Variants in DGKB observed in about 807,000 individuals in gnomAD.
The protein encoded by DGKB is diacylglycerol kinase beta.
DGKB carries 67 observed loss-of-function variants against 114.3 expected under a neutral mutation model. The observed-to-expected ratio is 0.59, with a 90% CI of 0.48 to 0.72. DGKB has a LOEUF of 0.72. Among genes scored for constraint, DGKB ranks in the 30% least tolerant of loss-of-function variants. The pLI is 0.00. For missense variants in DGKB, 907 were observed against 975.2 expected (o/e 0.93, Z 0.93); for synonymous variants, 398 against 323.1 (o/e 1.23, Z -2.49).
chr7:14,769,527 G>GAA (rs74546360), intron 2 of DGKB, among the ~76,000 whole-genome samples: 1,749 of 144,942 alleles, frequency 0.012, 31 homozygotes, highest in African/African-American at 0.041. Flanking sequence ...ATTTAGTAAT[G>GAA]AAAAAAAAAA....
At chr7:14,473,651 C>T (rs924359791) in intron 21 of DGKB, among the ~76,000 whole-genome samples, 2 of 152,154 alleles carry the variant, frequency 1.3e-5, no homozygotes, top group Non-Finnish European at 2.9e-5. Flanking sequence ...AATGCCAGCC[C>T]GTGAAAGCAG....
chr7:14,209,453 C>T, intron 23 of DGKB: 1 of 473,994 alleles, frequency 2.1e-6, no homozygotes, highest in Admixed American at 2.3e-5. Flanking sequence ...CTACACAAGG[C>T]TATTCTCTGG....
At chr7:14,288,254 GAA>G (rs11314793) in intron 23 of DGKB, among the ~76,000 whole-genome samples, 1,065 of 67,790 alleles carry the variant, frequency 0.016, 14 homozygotes, top group African/African-American at 0.051. Flanking sequence ...TTTGTTAAAA[GAA>G]AAAAAAAAAA....
rs376774698 is a variant in DGKB, at chr7:14,655,302, T to C, written c.1134+17627A>G. 8.6e-5 allele frequency among the ~76,000 whole-genome samples: 13 copies of C among 151,832 alleles called. 1 individual carries two copies. The East Asian group carries it at 9.7e-4, about 11-fold the overall frequency. The stretch of plus-strand genomic sequence containing the variant: ...TATAAAAAATGTTCAGCATCACTAA[T>C]CATCAGGGAAATGCAAATCAAAACC... On this transcript the variant is annotated intron_variant, in intron 13 of 25. Coordinates refer to ENST00000402815, the MANE Select transcript of DGKB (RefSeq NM_001350709.2).
At chr7:14,754,386 C>G (rs1834566452) in intron 3 of DGKB, among the ~76,000 whole-genome samples, 1 of 152,140 alleles carries the variant, frequency 6.6e-6, no homozygotes, top group South Asian at 2.1e-4. Context: ...ATATAACCAT[C>G]TATATAAAGG....
intron 25 of DGKB, among the ~76,000 whole-genome samples, chr7:14,154,886 G>T (rs1782767142): frequency 6.7e-6 from 1 of 149,644 alleles, no homozygotes; most frequent in African/African-American, 2.5e-5. Flanking sequence ...TACTATTTTG[G>T]TACCAACTTC....
intron 21 of DGKB, among the ~76,000 whole-genome samples, chr7:14,458,343 A>G (rs762014783): frequency 6.6e-6 from 1 of 152,252 alleles, no homozygotes; most frequent in Non-Finnish European, 1.5e-5. Flanking sequence ...ATTTAAATAA[A>G]TTCTGAATAA....
Position 14,392,989 on chromosome 7 carries a change from G to GTTTTTGTTTTTGTTTTTTGTT in DGKB, c.1836-47599_1836-47598insAACAAAAAACAAAAACAAAAA, listed in dbSNP as rs1554404696. Among the ~76,000 whole-genome samples, 28 of 10,188 alleles carry GTTTTTGTTTTTGTTTTTTGTT rather than the reference G, an allele frequency of 2.7e-3. 4 individuals carry two copies. Among genetic ancestry groups the GTTTTTGTTTTTGTTTTTTGTT allele is most frequent in the African/African-American group, 5.3e-3 (23 of 4,342 alleles). The allele number at this position is 10,188 out of a possible 152,430, so 6.7% of individuals were successfully genotyped here. The stretch of plus-strand genomic sequence containing the variant: ...GAGGGCCAAAACAGACCTGTTTTTT[G>GTTTTTGTTTTTGTTTTTTGTT]TTTTTGTTTTTTTTTTTTTGAGACG... On this transcript the variant is annotated intron_variant, in intron 21 of 25. Coordinates refer to ENST00000402815, the MANE Select transcript of DGKB (RefSeq NM_001350709.2).
chr7:14,332,379 A>AT (rs1809886513), intron 23 of DGKB, among the ~76,000 whole-genome samples: 1 of 152,146 alleles, frequency 6.6e-6, no homozygotes, highest in African/African-American at 2.4e-5. Flanking sequence ...CACGAACACT[A>AT]TGCCGCCTTC....
At position 14,841,426 on chromosome 7, in the gene DGKB, G is replaced by T. The variant is rs976871771; in HGVS notation, c.-163C>A. 3 of 449,410 alleles carry T rather than the reference G, an allele frequency of 6.7e-6. No homozygotes were observed. The highest frequency in any genetic ancestry group is 1.2e-5 in the Non-Finnish European group (3 of 252,742). The allele number at this position is 449,410 out of a possible 1,614,324, so 27.8% of individuals were successfully genotyped here. ...CCACATGAAACTGCTTTGGATGCTT[G>T]TAATTTCAATAATGTGTTAAAGAAC... On this transcript the variant is annotated 5_prime_UTR_variant, in exon 2 of 26. Coordinates refer to ENST00000402815, the MANE Select transcript of DGKB (RefSeq NM_001350709.2).
intron 6 of DGKB, among the ~76,000 whole-genome samples, chr7:14,703,794 A>G (rs965488864): frequency 5.9e-5 from 9 of 152,206 alleles, no homozygotes; most frequent in Non-Finnish European, 1.0e-4. Flanking sequence ...GTGATTCTGC[A>G]TGCTCCTAAA....
At chr7:14,481,488 A>T (rs1301346284) in intron 20 of DGKB, among the ~76,000 whole-genome samples, 1 of 151,958 alleles carries the variant, frequency 6.6e-6, no homozygotes, top group Non-Finnish European at 1.5e-5. Context: ...TTCTGTTTAA[A>T]TAATCTTTCT....
At chr7:14,633,338 A>C (rs10250242) in intron 13 of DGKB, among the ~76,000 whole-genome samples, 39,090 of 151,766 alleles carry the variant, frequency 0.26, 5,918 homozygotes, top group East Asian at 0.59. Context: ...AGAGAAAGCC[A>C]CCAGCCCTAA....
chr7:14,890,335 A>C (rs947482464), intron 1 of DGKB, among the ~76,000 whole-genome samples: 3 of 151,590 alleles, frequency 2.0e-5, no homozygotes, highest in Non-Finnish European at 4.4e-5. Flanking sequence ...TAGATGAGAA[A>C]TGTACACTTG....
chr7:14,566,093 T>C (rs1683766178), intron 20 of DGKB, among the ~76,000 whole-genome samples: 1 of 151,896 alleles, frequency 6.6e-6, no homozygotes, highest in African/African-American at 2.4e-5. Context: ...TAATCACATA[T>C]AATTGGAAAG....
chr7:14,954,214 G>A (rs55686350), intron 1 of DGKB, among the ~76,000 whole-genome samples: 3 of 151,946 alleles, frequency 2.0e-5, no homozygotes, highest in Non-Finnish European at 2.9e-5. Flanking sequence ...GGTTCATTCC[G>A]TGCTGAGATT....
At chr7:14,585,376 G>A (rs116812308) in intron 17 of DGKB, among the ~76,000 whole-genome samples, 184 of 152,192 alleles carry the variant, frequency 1.2e-3, no homozygotes, top group African/African-American at 4.4e-3. Context: ...TTACAAAGGT[G>A]AGCACTACTC....
At chr7:14,686,957 G>A (rs1821806484) in intron 9 of DGKB, among the ~76,000 whole-genome samples, 1 of 152,052 alleles carries the variant, frequency 6.6e-6, no homozygotes, top group African/African-American at 2.4e-5. Context: ...GAGAGGGCCA[G>A]TTTGCTTACT....
intron 1 of DGKB, among the ~76,000 whole-genome samples, chr7:14,949,840 A>G (rs1471908612): frequency 6.6e-6 from 1 of 151,940 alleles, no homozygotes; most frequent in Admixed American, 6.6e-5. Flanking sequence ...TTCTCAGCAC[A>G]CTATTGCAAG....
Sources: gnomAD v4.1 joint callset for allele counts (sites outside exome capture counted in the v4.1 genomes callset) on GRCh38, gnomAD v4.1.1 for gene constraint, MANE v1.5 for transcripts, NCBI Gene and HGNC (gene_info 2026-07-23, HGNC 2026-07-21) for gene names.